The following GRID2 variants were observed in gnomAD, a reference collection of about 807,000 sequenced individuals.
GRID2 encodes the protein glutamate ionotropic receptor delta type subunit 2, also known as glutamate receptor ionotropic, delta-2.
GRID2 carries 33 observed loss-of-function variants against 114.8 expected under a neutral mutation model. That is an observed-to-expected ratio of 0.29 (90% confidence interval 0.22 to 0.38). GRID2 has a LOEUF of 0.38. Among genes scored for constraint, GRID2 ranks in the 10% least tolerant of loss-of-function variants. The pLI is 1.00. For missense variants in GRID2, 1,184 were observed against 1,257.7 expected (o/e 0.94, Z 0.89); for synonymous variants, 505 against 449.9 (o/e 1.12, Z -1.55).
At chr4:93,632,116 GC>G (rs1225574671) in intron 14 of GRID2, among the ~76,000 whole-genome samples, 4 of 152,096 alleles carry the variant, frequency 2.6e-5, no homozygotes, top group Non-Finnish European at 4.4e-5. Context: ...CTGGATATTA[GC>G]CCTTTGTCAG....
intron 2 of GRID2, among the ~76,000 whole-genome samples, chr4:92,847,261 A>G (rs912870050): frequency 1.3e-5 from 2 of 151,990 alleles, no homozygotes; most frequent in Non-Finnish European, 2.9e-5. Context: ...CATTAGGTAG[A>G]CACAACCAGG....
chr4:92,480,977 G>C (rs570521903), intron 1 of GRID2, among the ~76,000 whole-genome samples: 60 of 152,150 alleles, frequency 3.9e-4, no homozygotes, highest in African/African-American at 1.4e-3. Context: ...ATTCTTGCTG[G>C]TGTCTAGTTT....
chr4:92,811,518 C>G (rs572252696), intron 2 of GRID2, among the ~76,000 whole-genome samples: 4 of 152,108 alleles, frequency 2.6e-5, no homozygotes, highest in African/African-American at 9.6e-5. Context: ...TCAAATCAGT[C>G]ATTAACCCCC....
intron 1 of GRID2, among the ~76,000 whole-genome samples, chr4:92,309,217 C>T (rs1405446525): frequency 1.3e-5 from 2 of 151,980 alleles, no homozygotes; most frequent in African/African-American, 4.8e-5. Context: ...TTATTCCATT[C>T]TGATATCTCA....
intron 8 of GRID2, among the ~76,000 whole-genome samples, chr4:93,253,516 A>C (rs1410233182): frequency 6.6e-6 from 1 of 152,168 alleles, no homozygotes. Context: ...ACAATATCAA[A>C]AAGGTTTTAA....
At chr4:93,222,982 G>T (rs1426854883) in intron 6 of GRID2, among the ~76,000 whole-genome samples, 1 of 152,096 alleles carries the variant, frequency 6.6e-6, no homozygotes, top group Non-Finnish European at 1.5e-5. Flanking sequence ...GTAAAATAAA[G>T]CTAGAAAAGT....
intron 2 of GRID2, among the ~76,000 whole-genome samples, chr4:92,700,561 T>C (rs1355593935): frequency 1.3e-5 from 2 of 152,190 alleles, no homozygotes; most frequent in Non-Finnish European, 2.9e-5. Flanking sequence ...TGTTCACTTA[T>C]TCATTAATTT....
intron 14 of GRID2, among the ~76,000 whole-genome samples, chr4:93,703,845 A>C (rs1727747211): frequency 6.6e-6 from 1 of 152,052 alleles, no homozygotes; most frequent in African/African-American, 2.4e-5. Context: ...TTATGGCTGC[A>C]TAGTATTCCA....
At chr4:92,633,277 T>A (rs1010712409) in intron 2 of GRID2, among the ~76,000 whole-genome samples, 1 of 151,964 alleles carries the variant, frequency 6.6e-6, no homozygotes, top group Non-Finnish European at 1.5e-5. Flanking sequence ...ATTTCCCCTA[T>A]AATGTGAAAG....
At chr4:92,586,833 T>C (rs1728473654) in intron 1 of GRID2, among the ~76,000 whole-genome samples, 2 of 152,000 alleles carry the variant, frequency 1.3e-5, no homozygotes, top group African/African-American at 4.8e-5. Context: ...TTCTAAGATA[T>C]AAGAAGACAT....
intron 2 of GRID2, among the ~76,000 whole-genome samples, chr4:92,687,453 A>T (rs1385302268): frequency 6.6e-6 from 1 of 152,164 alleles, no homozygotes; most frequent in Non-Finnish European, 1.5e-5. Context: ...AGTGAAAATA[A>T]CACTTATGTT....
intron 2 of GRID2, among the ~76,000 whole-genome samples, chr4:92,663,716 G>A (rs1280983226): frequency 6.6e-6 from 1 of 150,892 alleles, no homozygotes; most frequent in Non-Finnish European, 1.5e-5. Flanking sequence ...TTAATGTTGT[G>A]CATCCATCAC....
chr4:92,690,574 A>G lies in GRID2; in HGVS notation c.244+100288A>G, dbSNP rs147798607. ...ACACTGTTGGAAAAATGGTGCCAAT[A>G]GATTTGCTTGACGCAGGGTTGCCAC... On this transcript the variant is annotated intron_variant, in intron 2 of 15. Transcript: ENST00000282020. 6.8e-3 allele frequency among the ~76,000 whole-genome samples: 1,032 copies of G among 152,340 alleles called. 5 individuals carry two copies. The highest frequency in any genetic ancestry group is 0.017 in the Middle Eastern group (5 of 294).
At chr4:93,557,397 A>G (rs867120964) in intron 13 of GRID2, among the ~76,000 whole-genome samples, 1 of 152,204 alleles carries the variant, frequency 6.6e-6, no homozygotes, top group Admixed American at 6.5e-5. Flanking sequence ...AGGAATATTT[A>G]CCAAGCAAAT....
At chr4:92,365,566 T>C (rs1037881461) in intron 1 of GRID2, among the ~76,000 whole-genome samples, 2 of 151,876 alleles carry the variant, frequency 1.3e-5, no homozygotes, top group Admixed American at 1.3e-4. Flanking sequence ...ACAAGAAGAA[T>C]AAAATTTGAA....
intron 4 of GRID2, among the ~76,000 whole-genome samples, chr4:93,122,890 G>GTTTTTTTTTTTTTT (rs886185779): frequency 5.7e-5 from 4 of 69,802 alleles, no homozygotes; most frequent in Admixed American, 2.2e-4. Flanking sequence ...ACAGATGTGG[G>GTTTTTTTTTTTTTT]TTTTTTTTTT....
intron 2 of GRID2, among the ~76,000 whole-genome samples, chr4:92,618,607 C>T (rs1036764201): frequency 6.6e-6 from 1 of 151,586 alleles, no homozygotes. Flanking sequence ...GTCATTTTAG[C>T]AATATTAACT....
intron 8 of GRID2, chr4:93,282,532 C>T (rs1019983092): frequency 4.1e-6 from 1 of 246,348 alleles, no homozygotes; most frequent in Non-Finnish European, 8.2e-6. Context: ...AACTACTCTC[C>T]AGATAACAGA....
At chr4:92,415,843 G>T (rs748021841) in intron 1 of GRID2, among the ~76,000 whole-genome samples, 1 of 145,918 alleles carries the variant, frequency 6.9e-6, no homozygotes, top group African/African-American at 2.5e-5. Context: ...CTTTGCAATC[G>T]TGAATTGTGC....
Sources: gnomAD v4.1 joint callset for allele counts (sites outside exome capture counted in the v4.1 genomes callset) on GRCh38, gnomAD v4.1.1 for gene constraint, MANE v1.5 for transcripts, NCBI Gene and HGNC (gene_info 2026-07-23, HGNC 2026-07-21) for gene names.